Variants in ZNF385D observed in about 807,000 individuals in gnomAD.
The protein encoded by ZNF385D is zinc finger protein 659.
ZNF385D carries 15 observed loss-of-function variants against 35.8 expected under a neutral mutation model. The ratio of observed to expected loss-of-function variants is 0.42; its 90% CI spans 0.28 to 0.64. ZNF385D has a LOEUF of 0.64. Ranked by LOEUF, ZNF385D falls within the 30% of genes least tolerant of loss-of-function variation. The pLI is 0.23. For synonymous variants in ZNF385D, 212 were observed against 186.8 expected (o/e 1.13, Z -1.10); for missense variants, 474 against 494.6 (o/e 0.96, Z 0.39).
At chr3:22,170,771 A>C (rs1254236798) in intron 2 of ZNF385D, among the ~76,000 whole-genome samples, 1 of 152,152 alleles carries the variant, frequency 6.6e-6, no homozygotes, top group South Asian at 2.1e-4. Context: ...ACATTTCAAA[A>C]CTTCTTTTGT....
chr3:22,227,904 G>A (rs1317304289), intron 2 of ZNF385D, among the ~76,000 whole-genome samples: 1 of 152,172 alleles, frequency 6.6e-6, no homozygotes, highest in Non-Finnish European at 1.5e-5. Context: ...TGCTCTGCAA[G>A]GAGTACCTCT....
intron 1 of ZNF385D, among the ~76,000 whole-genome samples, chr3:21,693,802 C>T (rs946982194): frequency 1.3e-5 from 2 of 151,360 alleles, no homozygotes; most frequent in Admixed American, 6.6e-5. Context: ...TATCATTTAG[C>T]CAGAGAAGAG....
In ZNF385D at chr3:22,059,463, G is replaced by A. The variant is rs1315466814; in HGVS notation, c.325+109354C>T. Reference sequence around the variant, plus strand: ...TGGTTTTAAGAATATTTTCTTCTAGGAAACACTGTCCCAAAATAAGATAAG... The same window carrying A: ...TGGTTTTAAGAATATTTTCTTCTAGAAAACACTGTCCCAAAATAAGATAAG... On this transcript the variant is annotated intron_variant, in intron 3 of 5. Transcript: ENST00000494108. Among the ~76,000 whole-genome samples the A allele has an allele frequency of 2.6e-5, 4 of 152,208 alleles. No homozygotes were observed. In the South Asian group the frequency reaches 6.2e-4, roughly 24 times the overall value.
At chr3:22,171,701 C>T (rs1272999117) in intron 2 of ZNF385D, among the ~76,000 whole-genome samples, 3 of 151,712 alleles carry the variant, frequency 2.0e-5, no homozygotes, top group African/African-American at 7.3e-5. Context: ...ACAGTGAAAT[C>T]CCGTCTCTAC....
chr3:21,887,876 A>G (rs1412866930), intron 3 of ZNF385D, among the ~76,000 whole-genome samples: 2 of 152,162 alleles, frequency 1.3e-5, no homozygotes, highest in South Asian at 2.1e-4. Context: ...ATGAGTTAAA[A>G]TACTGTTGTT....
At chr3:22,123,985 T>TAC (rs1351864222) in intron 3 of ZNF385D, among the ~76,000 whole-genome samples, 2 of 143,034 alleles carry the variant, frequency 1.4e-5, no homozygotes, top group African/African-American at 5.1e-5. Flanking sequence ...TATATATATA[T>TAC]ATATTGCTGA....
intron 2 of ZNF385D, among the ~76,000 whole-genome samples, chr3:21,575,645 C>T (rs561999240): frequency 6.6e-6 from 1 of 152,270 alleles, no homozygotes; most frequent in African/African-American, 2.4e-5. Context: ...ATTGTGATGT[C>T]TCTTTTTGCT....
chr3:21,424,317 A>ATTTTTTTT (rs1213225859), intron 6 of ZNF385D, among the ~76,000 whole-genome samples: 1 of 63,812 alleles, frequency 1.6e-5, no homozygotes, highest in Non-Finnish European at 2.7e-5. Flanking sequence ...ATATATATAT[A>ATTTTTTTT]TTTTTTTTTT....
intron 2 of ZNF385D, among the ~76,000 whole-genome samples, chr3:22,212,474 G>C (rs1013543230): frequency 6.6e-6 from 1 of 152,004 alleles, no homozygotes; most frequent in Non-Finnish European, 1.5e-5. Context: ...ATACATTGTT[G>C]ACCTTTTGGA....
At chr3:21,622,796 T>C (rs1160929547) in intron 2 of ZNF385D, among the ~76,000 whole-genome samples, 1 of 152,116 alleles carries the variant, frequency 6.6e-6, no homozygotes, top group African/African-American at 2.4e-5. Context: ...TTCTATAACC[T>C]AGGCTTATTT....
At chr3:21,458,186 A>G (rs939316529) in intron 4 of ZNF385D, among the ~76,000 whole-genome samples, 4 of 152,002 alleles carry the variant, frequency 2.6e-5, no homozygotes, top group African/African-American at 9.7e-5. Flanking sequence ...AAACAGATGA[A>G]GAGGGGCTGG....
rs145112833 is a variant in ZNF385D at position 21,436,750 on chromosome 3, C to T, written c.673+220G>A. 3.1e-4 allele frequency: 167 copies of T among 547,206 alleles called. 1 individual carries two copies. The highest frequency in any genetic ancestry group is 2.8e-3 in the African/African-American group (150 of 53,254). The allele number at this position is 547,206 out of a possible 1,614,324, so 33.9% of individuals were successfully genotyped here. On this transcript the variant is annotated intron_variant, in intron 5 of 7. Coordinates refer to ENST00000281523, the MANE Select transcript of ZNF385D (RefSeq NM_024697.3). ...ATCTCCTAATGTTTAATAACACACACATACACACACACCATGGACTTCGAG... is the reference window on the plus strand; with the variant it reads ...ATCTCCTAATGTTTAATAACACACATATACACACACACCATGGACTTCGAG...
intron 4 of ZNF385D, among the ~76,000 whole-genome samples, chr3:21,466,829 C>T (rs928424165): frequency 6.6e-6 from 1 of 152,178 alleles, no homozygotes; most frequent in African/African-American, 2.4e-5. Flanking sequence ...AAGAAAAATT[C>T]AGAGGACTGT....
chr3:22,101,606 T>C (rs948545143), intron 3 of ZNF385D, among the ~76,000 whole-genome samples: 5 of 151,994 alleles, frequency 3.3e-5, no homozygotes, highest in African/African-American at 1.2e-4. Context: ...GACAGCAAAA[T>C]AGGAACTGAC....
At chr3:21,876,702 T>A (rs188260140) in intron 3 of ZNF385D, among the ~76,000 whole-genome samples, 1 of 152,050 alleles carries the variant, frequency 6.6e-6, no homozygotes, top group East Asian at 1.9e-4. Context: ...TTTTGATTTT[T>A]TTTTTTACCA....
intron 2 of ZNF385D, among the ~76,000 whole-genome samples, chr3:22,217,212 A>G (rs1426020176): frequency 6.6e-6 from 1 of 152,026 alleles, no homozygotes; most frequent in Non-Finnish European, 1.5e-5. Context: ...TGATCAGCCT[A>G]TTCTTTCTGC....
At chr3:21,500,761 G>A (rs1402495003) in intron 4 of ZNF385D, among the ~76,000 whole-genome samples, 3 of 152,184 alleles carry the variant, frequency 2.0e-5, no homozygotes, top group African/African-American at 4.8e-5. Flanking sequence ...CTGATGCTGT[G>A]GTAGGAGTTA....
Position 21,425,645 on chromosome 3 carries a change from T to G in ZNF385D, c.699A>C (p.Glu233Asp). ...NSGTKHKTML[E>D]ARNGSGTIKA... ...TGATAGTGCCACTTCCATTCCGGGCTTCTAACATGGTTTTGTGCTTAGTAC... is the reference window on the plus strand; with the variant it reads ...TGATAGTGCCACTTCCATTCCGGGCGTCTAACATGGTTTTGTGCTTAGTAC... The change falls in exon 6 of 8, where the codon GAA becomes GAC. Residue 233 changes from glutamate to aspartate, a missense_variant. Glu to Asp is a conservative substitution (Grantham distance 45). Transcript: ENST00000281523. 2 of 1,595,016 alleles carry G rather than the reference T, an allele frequency of 1.3e-6. No homozygotes were observed. Among genetic ancestry groups the G allele is most frequent in the Non-Finnish European group, 1.7e-6 (2 of 1,169,182 alleles).
intron 3 of ZNF385D, among the ~76,000 whole-genome samples, chr3:21,880,459 T>C (rs190619240): frequency 4.6e-5 from 7 of 152,084 alleles, no homozygotes; most frequent in Admixed American, 2.0e-4. Flanking sequence ...ATTGTAATGG[T>C]TTTGGGGCAC....
Sources: gnomAD v4.1 joint callset for allele counts (sites outside exome capture counted in the v4.1 genomes callset) on GRCh38, gnomAD v4.1.1 for gene constraint, MANE v1.5 for transcripts, NCBI Gene and HGNC (gene_info 2026-07-23, HGNC 2026-07-21) for gene names.